Variants in POF1B observed in about 807,000 individuals in gnomAD.
The protein encoded by POF1B is POF1B actin binding protein, also known as protein POF1B.
In POF1B, 53 loss-of-function variants were observed where a neutral mutation model predicts 55.3. The ratio of observed to expected loss-of-function variants is 0.96; its 90% CI spans 0.77 to 1.20. The LOEUF is 1.20. Among genes scored for constraint, POF1B ranks in the 50% most tolerant of loss-of-function variants. The probability of loss-of-function intolerance (pLI) is 0.00; values close to 1 mark genes in which losing one functional copy is unlikely to be tolerated. For synonymous variants in POF1B, 188 were observed against 148.3 expected, an observed-to-expected ratio of 1.27 and a Z score of -1.95; for missense variants, 478 against 420.5, an observed-to-expected ratio of 1.14 and a Z score of -1.20.
intron 2 of POF1B, among the ~76,000 whole-genome samples, chrX:85,376,871 C>T (rs1453197748): frequency 9.0e-6 from 1 of 111,492 alleles, no homozygotes. Flanking sequence ...TATTTTACTA[C>T]TGGTAATATT....
chrX:85,366,416 G>A, intron 3 of POF1B, among the ~76,000 whole-genome samples: 1 of 111,602 alleles, frequency 9.0e-6, no homozygotes, highest in African/African-American at 3.2e-5. Flanking sequence ...TAATCTCTAG[G>A]TGGGGGAAGG....
chrX:85,332,289 A>T (rs1333901629), intron 6 of POF1B, among the ~76,000 whole-genome samples: 1 of 111,532 alleles, frequency 9.0e-6, no homozygotes, highest in Admixed American at 9.6e-5. Flanking sequence ...TCACATGGGA[A>T]AGAGTAGCTC....
chrX:85,379,081 C>T, intron 2 of POF1B, 92 bp downstream of exon 2: 4 of 1,010,101 alleles, frequency 4.0e-6, no homozygotes, highest in Non-Finnish European at 5.4e-6. Context: ...AAAAGATATC[C>T]TGTGGAATAG....
At chrX:85,361,861 T>C (rs1473570128) in intron 3 of POF1B, among the ~76,000 whole-genome samples, 2 of 111,015 alleles carry the variant, frequency 1.8e-5, no homozygotes, top group Non-Finnish European at 3.8e-5. Flanking sequence ...TGTTTCTCCA[T>C]GTTTGTGTCA....
chrX:85,309,357 C>CA (rs771611752), intron 9 of POF1B, among the ~76,000 whole-genome samples: 2,080 of 79,103 alleles, frequency 0.026, 16 homozygotes, highest in African/African-American at 0.029. Context: ...TGTTGCTTCA[C>CA]AAAAAAAAAA....
At chrX:85,347,985 T>TAAAAC (rs1052082377) in intron 5 of POF1B, among the ~76,000 whole-genome samples, 4 of 111,450 alleles carry the variant, frequency 3.6e-5, no homozygotes, top group African/African-American at 6.5e-5. Context: ...CCTGAAGGAA[T>TAAAAC]AAAACAAAAC....
At chrX:85,378,795 C>A (rs771505366) in intron 2 of POF1B, among the ~76,000 whole-genome samples, 1 of 112,007 alleles carries the variant, frequency 8.9e-6, no homozygotes, top group South Asian at 3.7e-4. Context: ...CCAAAAAAAA[C>A]CTGTTTGCTT....
At chrX:85,329,302 A>G (rs896861084) in intron 7 of POF1B, among the ~76,000 whole-genome samples, 1 of 111,808 alleles carries the variant, frequency 8.9e-6, no homozygotes, top group African/African-American at 3.3e-5. Context: ...TGTTTGGGTA[A>G]TGGGAAACAG....
At chrX:85,288,602 C>T (rs1483884415) in intron 15 of POF1B, among the ~76,000 whole-genome samples, 1 of 111,441 alleles carries the variant, frequency 9.0e-6, no homozygotes, top group African/African-American at 3.3e-5. Context: ...ATTGTATCTC[C>T]CAGAATTCCC....
At chrX:85,352,217 C>T (rs1803709836) in intron 4 of POF1B, among the ~76,000 whole-genome samples, 1 of 111,046 alleles carries the variant, frequency 9.0e-6, no homozygotes, top group Non-Finnish European at 1.9e-5. Context: ...GTTCTTTTCC[C>T]TTCCTTTGGT....
intron 3 of POF1B, among the ~76,000 whole-genome samples, chrX:85,360,970 A>G (rs770029299): frequency 5.4e-5 from 6 of 111,348 alleles, no homozygotes; most frequent in African/African-American, 2.0e-4. Flanking sequence ...CATTTCTCTA[A>G]TGATCAGTGA....
At chrX:85,372,772 A>ATATATATATATATATATATAT (rs1193270205) in intron 2 of POF1B, among the ~76,000 whole-genome samples, 14 of 101,468 alleles carry the variant, frequency 1.4e-4, no homozygotes, top group African/African-American at 4.7e-4. Flanking sequence ...TATTATATAT[A>ATATATATATATATATATATAT]CTATATATAT....
intron 2 of POF1B, among the ~76,000 whole-genome samples, chrX:85,374,465 G>A (rs912847711): frequency 1.8e-5 from 2 of 112,139 alleles, no homozygotes; most frequent in Admixed American, 9.5e-5. Context: ...CATACGTAGT[G>A]CAGGCTTTGT....
chrX:85,333,227 A>C (rs1289757370), intron 6 of POF1B, among the ~76,000 whole-genome samples: 1 of 110,405 alleles, frequency 9.1e-6, no homozygotes, highest in Non-Finnish European at 1.9e-5. Flanking sequence ...TCCAAATCTT[A>C]CCCATCCTTT....
chrX:85,337,617 A>C (rs997805251), intron 6 of POF1B, among the ~76,000 whole-genome samples: 1 of 111,835 alleles, frequency 8.9e-6, no homozygotes, highest in African/African-American at 3.2e-5. Flanking sequence ...GTTGTCACTG[A>C]ATTGAATGTA....
intron 2 of POF1B, among the ~76,000 whole-genome samples, chrX:85,375,447 C>A (rs193041158): frequency 2.2e-3 from 241 of 111,583 alleles, no homozygotes; most frequent in African/African-American, 7.6e-3. Context: ...CTCCGTTAAA[C>A]AAGATACAAT....
intron 7 of POF1B, among the ~76,000 whole-genome samples, chrX:85,323,593 A>C (rs1932864311): frequency 9.3e-6 from 1 of 107,675 alleles, no homozygotes; most frequent in Admixed American, 9.9e-5. Context: ...CTTAAAGTAT[A>C]ATAATAATAA....
intron 11 of POF1B, 116 bp downstream of exon 11, chrX:85,307,047 A>C (rs761526310): frequency 1.7e-6 from 1 of 592,256 alleles, no homozygotes; most frequent in South Asian, 3.4e-5. Context: ...ATATGAACAA[A>C]TTTTTCCATC....
At chrX:85,323,100 T>C (rs2147919072) in intron 7 of POF1B, among the ~76,000 whole-genome samples, 1 of 111,341 alleles carries the variant, frequency 9.0e-6, no homozygotes, top group Non-Finnish European at 1.9e-5. Flanking sequence ...ACTGGGTGTA[T>C]ACCCAAAGGA....
Sources: gnomAD v4.1 joint callset for allele counts (sites outside exome capture counted in the v4.1 genomes callset) on GRCh38, gnomAD v4.1.1 for gene constraint, MANE v1.5 for transcripts, NCBI Gene and HGNC (gene_info 2026-07-23, HGNC 2026-07-21) for gene names.